Variants in AATF observed in about 807,000 individuals in gnomAD.
AATF encodes apoptosis antagonizing transcription factor, also known as protein AATF.
A neutral mutation model predicts 63.7 loss-of-function variants in AATF; 48 were observed. That is an observed-to-expected ratio of 0.75 (90% confidence interval 0.60 to 0.96). The LOEUF (loss-of-function observed/expected upper bound fraction) is 0.96. AATF is among the 40% of genes least tolerant of loss of function. AATF has a pLI of 0.00. For missense variants in AATF, 639 were observed against 685.7 expected, an observed-to-expected ratio of 0.93 and a Z score of 0.76; for synonymous variants, 258 against 247.7, an observed-to-expected ratio of 1.04 and a Z score of -0.39.
At chr17:36,990,648 A>G in intron 7 of AATF, 126 bp from the exon 8 acceptor site, 2 of 634,928 alleles carry the variant, frequency 3.1e-6, no homozygotes, top group Non-Finnish European at 5.3e-6. Flanking sequence ...TTGTTTTTTA[A>G]TTTTAAGAAC....
chr17:37,012,274 C>T (rs911186645), intron 8 of AATF, among the ~76,000 whole-genome samples: 1 of 152,106 alleles, frequency 6.6e-6, no homozygotes, highest in Non-Finnish European at 1.5e-5. Flanking sequence ...AGGCTGGTCT[C>T]GAACTTCTGG....
At chr17:37,056,052 TA>T (rs1377623350) in intron 11 of AATF, 1 of 152,278 alleles carries the variant, frequency 6.6e-6, no homozygotes, top group African/African-American at 2.4e-5. Context: ...ACTTTAGAAA[TA>T]AATTAGCCAA....
chr17:37,021,366 C>T (rs1213523727), intron 10 of AATF, among the ~76,000 whole-genome samples: 3 of 152,140 alleles, frequency 2.0e-5, no homozygotes, highest in South Asian at 2.1e-4. Context: ...TGGTGGCTCA[C>T]GCCTGTACTC....
At chr17:36,976,386 C>G (rs532609494) in intron 4 of AATF, among the ~76,000 whole-genome samples, 40 of 152,108 alleles carry the variant, frequency 2.6e-4, no homozygotes, top group African/African-American at 9.7e-4. Context: ...TGGTACTTAG[C>G]AGGTCCTTAC....
rs1421188371 is a variant in AATF at position 37,031,638 on chromosome 17, G to A, written c.1572G>A (p.Leu524=). The change falls in exon 11 of 12, where the codon CTG becomes CTA. Residue 524 remains leucine, a synonymous_variant. Transcript: ENST00000619387. ...GGTTTCATGTCCTTAGCAAGCTACT[G>A]AGTTTCATGGCACCTATTGACCATA... ...KLRFHVLSKL[L]SFMAPIDHTT... The A allele has an allele frequency of 1.2e-6, 2 of 1,614,170 alleles. No homozygotes were observed. Among genetic ancestry groups the A allele is most frequent in the South Asian group, 1.1e-5 (1 of 91,078 alleles).
intron 8 of AATF, among the ~76,000 whole-genome samples, chr17:37,015,662 A>C (rs755787075): frequency 1.7e-4 from 26 of 152,232 alleles, no homozygotes; most frequent in Non-Finnish European, 3.5e-4. Flanking sequence ...AGACACATGC[A>C]GAAGACCATA....
At chr17:37,019,969 A>G (rs928387883) in intron 9 of AATF, among the ~76,000 whole-genome samples, 2 of 152,172 alleles carry the variant, frequency 1.3e-5, no homozygotes, top group African/African-American at 4.8e-5. Context: ...AATTAAGATT[A>G]TATTAAGATT....
At chr17:36,953,706 C>T in intron 3 of AATF, 64 bp from the exon 4 acceptor site, 1 of 1,541,106 alleles carries the variant, frequency 6.5e-7, no homozygotes, top group Non-Finnish European at 8.8e-7. Context: ...CTTCCCCACC[C>T]CTGCCACCTC....
chr17:36,979,937 A>G (rs1205995437), intron 4 of AATF, among the ~76,000 whole-genome samples: 1 of 152,224 alleles, frequency 6.6e-6, no homozygotes, highest in Non-Finnish European at 1.5e-5. Context: ...CATATAAATG[A>G]ATACCTAATA....
At chr17:37,026,350 T>C (rs188787453) in intron 10 of AATF, among the ~76,000 whole-genome samples, 35 of 152,326 alleles carry the variant, frequency 2.3e-4, no homozygotes, top group Non-Finnish European at 3.7e-4. Flanking sequence ...CTCACCTGGC[T>C]CATCTTGAGA....
intron 8 of AATF, among the ~76,000 whole-genome samples, chr17:37,011,534 G>GAA (rs1300255413): frequency 1.3e-5 from 2 of 152,178 alleles, no homozygotes; most frequent in African/African-American, 4.8e-5. Flanking sequence ...GTAACTCTTA[G>GAA]GTCATTGAAG....
At chr17:36,999,941 A>G (rs2071281856) in intron 8 of AATF, 1 of 152,296 alleles carries the variant, frequency 6.6e-6, no homozygotes. Context: ...TAGGAGAGGA[A>G]GTCAAGAGGT....
chr17:37,056,788 G>A lies in AATF; in HGVS notation c.*124G>A, dbSNP rs1163834523. 32 of 1,066,154 alleles carry A rather than the reference G, an allele frequency of 3.0e-5. No homozygotes were observed. The East Asian group carries it at 3.0e-4, about 10-fold the overall frequency. The allele number at this position is 1,066,154 out of a possible 1,614,324, so 66.0% of individuals were successfully genotyped here. On this transcript the variant is annotated 3_prime_UTR_variant, in exon 12 of 12. Coordinates refer to ENST00000619387, the MANE Select transcript of AATF (RefSeq NM_012138.4). ...AGCCCCTGGAAAGATGCTGCGTTCCGAACCTGTGCCTAATACACGCAAGGG... is the reference window on the plus strand; with the variant it reads ...AGCCCCTGGAAAGATGCTGCGTTCCAAACCTGTGCCTAATACACGCAAGGG...
chr17:36,953,995 C>A, intron 4 of AATF, 88 bp downstream of exon 4: 1 of 1,428,890 alleles, frequency 7.0e-7, no homozygotes, highest in Non-Finnish European at 9.6e-7. Flanking sequence ...GAGCTTGAGC[C>A]ATGTTTATTG....
chr17:36,958,464 C>T (rs1160595922), intron 4 of AATF, among the ~76,000 whole-genome samples: 1 of 152,150 alleles, frequency 6.6e-6, no homozygotes, highest in African/African-American at 2.4e-5. Context: ...TGTGCCTGGC[C>T]TTCTCTCTTT....
At chr17:36,984,570 G>T (rs1033229785) in intron 4 of AATF, among the ~76,000 whole-genome samples, 12 of 152,166 alleles carry the variant, frequency 7.9e-5, no homozygotes, top group African/African-American at 2.9e-4. Flanking sequence ...TGTCTAGTTA[G>T]CCCCTTGAGT....
At chr17:37,048,363 C>CTTTTTT (rs60374815) in intron 11 of AATF, among the ~76,000 whole-genome samples, 36 of 70,828 alleles carry the variant, frequency 5.1e-4, no homozygotes, top group East Asian at 8.0e-4. Flanking sequence ...TTTTTCTTTT[C>CTTTTTT]TTTTTTTTTT....
chr17:36,968,083 CCTCT>C (rs897296651), intron 4 of AATF, among the ~76,000 whole-genome samples: 2 of 148,776 alleles, frequency 1.3e-5, no homozygotes, highest in African/African-American at 2.5e-5. Flanking sequence ...TTCTCTCTGT[CCTCT>C]CTCTTTCTGG....
rs369548620 is a variant in AATF at position 36,988,562 on chromosome 17, A to C, written c.991A>C (p.Lys331Gln). Residue 331 changes from lysine to glutamine, a missense_variant, in exon 6 of 12, where the codon AAG becomes CAG. Physicochemically the swap from Lys to Gln is moderately conservative, Grantham distance 53 (BLOSUM62 1). Transcript: ENST00000619387. Reference protein sequence around the residue: ...SEDDELVEEKKQQRRRVPAKR... With the variant: ...SEDDELVEEKQQQRRRVPAKR... Reference sequence around the variant, plus strand: ...AGATGATGAGCTGGTAGAAGAGAAGAAGCAGCAACGAAGAAGGGTCCCTGC... The same window carrying C: ...AGATGATGAGCTGGTAGAAGAGAAGCAGCAGCAACGAAGAAGGGTCCCTGC... The C allele has an allele frequency of 1.7e-4, 272 of 1,614,190 alleles. No individual in the cohort carries two copies. Among genetic ancestry groups the C allele is most frequent in the South Asian group, 3.0e-4 (27 of 91,076 alleles).
Sources: allele counts gnomAD v4.1 joint callset (sites outside exome capture counted in the v4.1 genomes callset), GRCh38; gene constraint gnomAD v4.1.1; transcripts MANE v1.5; gene names NCBI Gene and HGNC (gene_info 2026-07-23, HGNC 2026-07-21).